RGL1: variants seen among roughly 807,000 people sequenced by gnomAD.
RGL1 encodes ral guanine nucleotide dissociation stimulator-like 1.
In RGL1, 24 loss-of-function variants were observed where a neutral mutation model predicts 95.2. The observed-to-expected ratio is 0.25, with a 90% CI of 0.18 to 0.35. The LOEUF is 0.35. Among genes scored for constraint, RGL1 ranks in the 10% least tolerant of loss-of-function variants. The probability of loss-of-function intolerance (pLI) is 1.00; values close to 1 mark genes in which losing one functional copy is unlikely to be tolerated. For synonymous variants in RGL1, 329 were observed against 344.9 expected (o/e 0.95, Z 0.51); for missense variants, 715 against 936.3 (o/e 0.76, Z 3.08).
At chr1:183,640,542 A>G (rs1328992202) in intron 1 of RGL1, among the ~76,000 whole-genome samples, 3 of 152,194 alleles carry the variant, frequency 2.0e-5, no homozygotes, top group Admixed American at 2.0e-4. Flanking sequence ...GTGCCAAAGA[A>G]TAAGTCTTAT....
intron 1 of RGL1, among the ~76,000 whole-genome samples, chr1:183,715,267 T>G (rs1305267852): frequency 6.6e-6 from 1 of 151,872 alleles, no homozygotes; most frequent in Admixed American, 6.6e-5. Context: ...GTTTTTTTTG[T>G]TTTTTTTAGT....
In RGL1 at chr1:183,926,906, A is replaced by G. The variant is rs976759986; in HGVS notation, c.*614A>G. 6.6e-6 allele frequency: 1 copy of G among 152,622 alleles called. No individual in the cohort carries two copies. Among genetic ancestry groups the G allele is most frequent in the African/African-American group, 2.4e-5 (1 of 41,432 alleles). The allele number at this position is 152,622 out of a possible 1,614,324, so 9.5% of individuals were successfully genotyped here. ...AAAGGCCACTTTGGAAAGGGTTTGG[A>G]TGAGCTGGTGGCCTTCAACCTCTGC... On this transcript the variant is annotated 3_prime_UTR_variant, in exon 18 of 18. Transcript: ENST00000360851.
intron 1 of RGL1, among the ~76,000 whole-genome samples, chr1:183,741,060 T>C (rs1328584959): frequency 6.6e-6 from 1 of 152,192 alleles, no homozygotes; most frequent in African/African-American, 2.4e-5. Context: ...AAACAAAGGC[T>C]ATAGGCACCA....
chr1:183,668,051 G>A (rs1323657077), intron 1 of RGL1, among the ~76,000 whole-genome samples: 1 of 151,394 alleles, frequency 6.6e-6, no homozygotes, highest in Non-Finnish European at 1.5e-5. Flanking sequence ...ATGCATTGTT[G>A]CTAATATCCT....
intron 1 of RGL1, among the ~76,000 whole-genome samples, chr1:183,667,837 T>G (rs1652146914): frequency 6.6e-6 from 1 of 152,206 alleles, no homozygotes; most frequent in South Asian, 2.1e-4. Context: ...CATTTTTCAG[T>G]GATTGTCTTA....
intron 1 of RGL1, among the ~76,000 whole-genome samples, chr1:183,642,930 C>T (rs1373002866): frequency 2.0e-5 from 3 of 152,192 alleles, no homozygotes; most frequent in African/African-American, 7.2e-5. Context: ...TAACTCTGTA[C>T]CCATTAAACA....
At chr1:183,888,387 C>T in intron 7 of RGL1, 87 bp from the exon 8 acceptor site, 2 of 787,938 alleles carry the variant, frequency 2.5e-6, no homozygotes, top group Non-Finnish European at 4.4e-6. Context: ...TTCATAGCAG[C>T]TGTGATACCT....
intron 2 of RGL1, among the ~76,000 whole-genome samples, chr1:183,773,797 A>G (rs1659437119): frequency 6.6e-6 from 1 of 152,234 alleles, no homozygotes; most frequent in Admixed American, 6.5e-5. Flanking sequence ...CAATGCAAGA[A>G]CAAATCTGAA....
chr1:183,674,375 C>A (rs996758618), intron 1 of RGL1, among the ~76,000 whole-genome samples: 3 of 152,120 alleles, frequency 2.0e-5, no homozygotes, highest in African/African-American at 7.2e-5. Context: ...GTTGAGGATA[C>A]ACTTTTGTTT....
chr1:183,734,440 G>A (rs922533853), intron 1 of RGL1, among the ~76,000 whole-genome samples: 2 of 152,202 alleles, frequency 1.3e-5, no homozygotes, highest in African/African-American at 4.8e-5. Flanking sequence ...CTTGTAACAT[G>A]CTAGCCCAGT....
exon 1 of RGL1, chr1:183,636,178 C>A (rs1649519689): frequency 1.8e-5 from 7 of 399,616 alleles, no homozygotes; most frequent in Non-Finnish European, 3.1e-5. Flanking sequence ...GACCTATCAT[C>A]GGGGTCCTGC....
At chr1:183,770,025 T>A (rs961363502) in intron 2 of RGL1, among the ~76,000 whole-genome samples, 1 of 152,192 alleles carries the variant, frequency 6.6e-6, no homozygotes, top group African/African-American at 2.4e-5. Context: ...AAATTCTGAT[T>A]TCCCATGACT....
intron 1 of RGL1, among the ~76,000 whole-genome samples, chr1:183,728,120 G>C (rs12093595): frequency 2.0e-5 from 3 of 152,144 alleles, no homozygotes; most frequent in Admixed American, 6.6e-5. Flanking sequence ...CTGGGACATT[G>C]GTCTCCTGCA....
intron 17 of RGL1, among the ~76,000 whole-genome samples, chr1:183,923,157 A>G (rs1669409937): frequency 6.6e-6 from 1 of 152,096 alleles, no homozygotes; most frequent in South Asian, 2.1e-4. Flanking sequence ...CAGACCCCAA[A>G]CTGTCCATTG....
intron 4 of RGL1, among the ~76,000 whole-genome samples, chr1:183,873,910 C>A (rs572940946): frequency 2.2e-4 from 33 of 152,286 alleles, no homozygotes; most frequent in South Asian, 8.3e-4. Flanking sequence ...CCTTGTGCCT[C>A]GTAGCATCTG....
intron 1 of RGL1, among the ~76,000 whole-genome samples, chr1:183,645,661 G>A (rs990751402): frequency 2.0e-5 from 3 of 152,228 alleles, no homozygotes; most frequent in Admixed American, 1.3e-4. Flanking sequence ...GCTAATCACT[G>A]CACTGCAGGA....
intron 1 of RGL1, among the ~76,000 whole-genome samples, chr1:183,741,351 A>G (rs980611550): frequency 3.3e-5 from 5 of 152,234 alleles, no homozygotes; most frequent in Non-Finnish European, 5.9e-5. Flanking sequence ...TGAGCCAGGC[A>G]AGATATGATG....
chr1:183,713,654 G>A (rs1246335910), intron 1 of RGL1, among the ~76,000 whole-genome samples: 2 of 152,140 alleles, frequency 1.3e-5, no homozygotes, highest in Non-Finnish European at 2.9e-5. Flanking sequence ...GTCACAGGGA[G>A]AAAGCACTGT....
chr1:183,706,619 G>T lies in RGL1; in HGVS notation c.-32-35507G>T, dbSNP rs191574999. Among the ~76,000 whole-genome samples the T allele has an allele frequency of 1.3e-5, 2 of 152,190 alleles. 1 individual carries two copies. Among genetic ancestry groups the T allele is most frequent in the Non-Finnish European group, 2.9e-5 (2 of 68,034 alleles). On this transcript the variant is annotated intron_variant, in intron 1 of 18. Transcript: ENST00000304685. Reference sequence around the variant, plus strand: ...CAGCCTGGTGGGCTTACCTGGGTTTGGGCATTGTCTGGACCAGTGGCCTTC... The same window carrying T: ...CAGCCTGGTGGGCTTACCTGGGTTTTGGCATTGTCTGGACCAGTGGCCTTC...
Sources: gnomAD v4.1 joint callset for allele counts (sites outside exome capture counted in the v4.1 genomes callset) on GRCh38, gnomAD v4.1.1 for gene constraint, MANE v1.5 for transcripts, NCBI Gene and HGNC (gene_info 2026-07-23, HGNC 2026-07-21) for gene names.